SVIL: variants seen among roughly 807,000 people sequenced by gnomAD.
The protein encoded by SVIL is supervillin.
SVIL carries 101 observed loss-of-function variants against 240.4 expected under a neutral mutation model. The ratio of observed to expected loss-of-function variants is 0.42; its 90% CI spans 0.36 to 0.50. The LOEUF (loss-of-function observed/expected upper bound fraction) is 0.50. Ranked by LOEUF, SVIL falls within the 20% of genes least tolerant of loss-of-function variation. The pLI is 0.01. For synonymous variants in SVIL, 999 were observed against 1,100.0 expected (o/e 0.91, Z 1.82); for missense variants, 2,512 against 2,818.7 (o/e 0.89, Z 2.46).
chr10:29,603,596 A>T (rs2488676), intron 1 of SVIL, among the ~76,000 whole-genome samples: 68,657 of 151,908 alleles, frequency 0.45, 16,451 homozygotes, highest in Non-Finnish European at 0.52. Context: ...TTGGTTTTCA[A>T]ATTTAATAGA....
At position 29,550,857 on chromosome 10, in the gene SVIL, C is replaced by T. The variant is rs1445998030; in HGVS notation, c.567G>A (p.Val189=). 1.2e-6 allele frequency: 2 copies of T among 1,614,052 alleles called. No individual in the cohort carries two copies. Among genetic ancestry groups the T allele is most frequent in the Admixed American group, 1.7e-5 (1 of 59,998 alleles). The change falls in exon 6 of 38, where the codon GTG becomes GTA. Residue 189 remains valine, a synonymous_variant. Transcript: ENST00000355867. ...CCTCCGGGTCGGAAGAGCCGTCACC[C>T]ACATGGAGGGCATAGTCCTTGGATT... ...AGESKDYALH[V]GDGSSDPEVL...
At chr10:29,609,486 G>A (rs959827549) in intron 1 of SVIL, among the ~76,000 whole-genome samples, 2 of 152,182 alleles carry the variant, frequency 1.3e-5, no homozygotes, top group African/African-American at 4.8e-5. Context: ...GCTGAAACAT[G>A]TCCCCCCACT....
chr10:29,639,924 T>A (rs1318699258), upstream of SVIL, among the ~76,000 whole-genome samples: 1 of 152,186 alleles, frequency 6.6e-6, no homozygotes, highest in Admixed American at 6.5e-5. Flanking sequence ...GAGGCCAGTC[T>A]AACTTATGCT....
Position 29,532,883 on chromosome 10 carries a change from T to A in SVIL, c.1484A>T (p.Asn495Ile). The A allele has an allele frequency of 3.7e-6, 6 of 1,614,054 alleles. No individual in the cohort carries two copies. The highest frequency in any genetic ancestry group is 5.1e-6 in the Non-Finnish European group (6 of 1,180,010). The change falls in exon 8 of 38, where the codon AAC (asparagine) becomes ATC (isoleucine). Residue 495 changes from asparagine to isoleucine, a missense_variant. Asn to Ile is a moderately radical substitution (Grantham distance 149). Around this residue, in one of 3 missense-constraint regions of SVIL, gnomAD observed 1,443 missense variants for 1,486.6 expected, o/e 0.97. Coordinates refer to ENST00000355867, the MANE Select transcript of SVIL (RefSeq NM_021738.3). ...CGGAGCTTGAGGGGGTTGTGCCACG[T>A]TTTCCAGTTCCTTCTGATGCTCTAA... ...VTLEHQKELE[N>I]VAQPPQAPHQ...
At chr10:29,633,837 GCAGTTCAAA>G (rs890525946) in intron 1 of SVIL, among the ~76,000 whole-genome samples, 2 of 152,062 alleles carry the variant, frequency 1.3e-5, no homozygotes, top group Admixed American at 6.6e-5. Context: ...AAAATAAAAT[GCAGTTCAAA>G]CTCTAGAACC....
At chr10:29,515,196 C>T (rs1250301303) in intron 16 of SVIL, among the ~76,000 whole-genome samples, 2 of 152,174 alleles carry the variant, frequency 1.3e-5, no homozygotes, top group Non-Finnish European at 2.9e-5. Flanking sequence ...CCCTTTGGGT[C>T]AAGGTCTCAT....
At chr10:29,549,996 C>T (rs1457427183) in intron 6 of SVIL, among the ~76,000 whole-genome samples, 29 of 97,158 alleles carry the variant, frequency 3.0e-4, no homozygotes, top group African/African-American at 1.1e-3. Flanking sequence ...ACATTGTGCA[C>T]ATGTACCCTA....
At position 29,671,800 on chromosome 10, in the gene SVIL, A is replaced by G. The variant is rs1015979205; in HGVS notation, c.-300-13732T>C. ...CCACACAATGTCAAATCCTCTGCCA[A>G]CACTGAACTAGTGTGGTTTTCTCTT... is the stretch of plus-strand genomic sequence containing the variant. On this transcript the variant is annotated intron_variant, in intron 2 of 35. Coordinates refer to the SVIL transcript ENST00000375400. Among the ~76,000 whole-genome samples, 3 of 152,208 alleles carry G rather than the reference A, an allele frequency of 2.0e-5. No individual in the cohort carries two copies. In the East Asian group the frequency reaches 5.8e-4, roughly 29 times the overall value.
intron 1 of SVIL, among the ~76,000 whole-genome samples, chr10:29,624,780 A>C (rs1267048308): frequency 2.0e-5 from 3 of 152,190 alleles, no homozygotes; most frequent in African/African-American, 7.2e-5. Flanking sequence ...CCTTTAAAAT[A>C]CCACGGTAAT....
chr10:29,574,257 C>G (rs572652590), intron 1 of SVIL, among the ~76,000 whole-genome samples: 2 of 152,272 alleles, frequency 1.3e-5, no homozygotes, highest in African/African-American at 2.4e-5. Context: ...GGCGTGCGAA[C>G]CTGCTTTAGG....
At chr10:29,709,969 G>C (rs1266902404) in intron 1 of SVIL, among the ~76,000 whole-genome samples, 2 of 152,158 alleles carry the variant, frequency 1.3e-5, no homozygotes, top group Non-Finnish European at 2.9e-5. Context: ...TTCAGATTTG[G>C]GGGTGCGCGA....
At chr10:29,478,756 T>TAA (rs917207229) in intron 29 of SVIL, among the ~76,000 whole-genome samples, 1 of 142,662 alleles carries the variant, frequency 7.0e-6, no homozygotes, top group Non-Finnish European at 1.5e-5. Flanking sequence ...CCTCATCTCT[T>TAA]AAAAAAAAAA....
chr10:29,694,231 C>CAAAAAA (rs61095076), intron 1 of SVIL, among the ~76,000 whole-genome samples: 21 of 99,850 alleles, frequency 2.1e-4, no homozygotes, highest in African/African-American at 7.9e-4. Context: ...CTGTGTCTAC[C>CAAAAAA]AAAAAAAAAA....
At chr10:29,605,368 C>T (rs1401538545) in intron 1 of SVIL, among the ~76,000 whole-genome samples, 9 of 152,216 alleles carry the variant, frequency 5.9e-5, no homozygotes, top group African/African-American at 1.4e-4. Flanking sequence ...CCACGGTTCC[C>T]GTCTCCCCCC....
chr10:29,535,705 C>A (rs528004874), intron 7 of SVIL, among the ~76,000 whole-genome samples: 30 of 152,076 alleles, frequency 2.0e-4, no homozygotes, highest in Non-Finnish European at 4.4e-4. Flanking sequence ...CTGGCCAGTC[C>A]TATGTGAGTT....
chr10:29,457,889 A>T lies in SVIL; in HGVS notation c.*358T>A, dbSNP rs1943740623. 2 of 160,230 alleles carry T rather than the reference A, an allele frequency of 1.2e-5. No individual in the cohort carries two copies. Among genetic ancestry groups the T allele is most frequent in the East Asian group, 1.7e-4 (1 of 5,750 alleles). 9.9% of individuals were successfully genotyped at this position (160,230 alleles called of 1,614,324 possible). On this transcript the variant is annotated 3_prime_UTR_variant, in exon 38 of 38. Coordinates refer to ENST00000355867, the MANE Select transcript of SVIL (RefSeq NM_021738.3). The stretch of plus-strand genomic sequence containing the variant: ...TATATATATATTTTAGAATCCACAA[A>T]CTATCAAAATAACACTTTATAAAGA...
intron 1 of SVIL, among the ~76,000 whole-genome samples, chr10:29,611,665 T>G (rs1957247936): frequency 6.6e-6 from 1 of 152,106 alleles, no homozygotes; most frequent in Admixed American, 6.5e-5. Flanking sequence ...TATTGTCAGA[T>G]GTGGTTAAAA....
intron 3 of SVIL, among the ~76,000 whole-genome samples, chr10:29,645,028 G>A (rs1958611865): frequency 6.6e-6 from 1 of 151,916 alleles, no homozygotes; most frequent in Middle Eastern, 3.2e-3. Context: ...GAAAATAACA[G>A]AATGATGCAG....
chr10:29,564,454 G>C (rs1310475012), intron 2 of SVIL, among the ~76,000 whole-genome samples: 3 of 152,144 alleles, frequency 2.0e-5, no homozygotes, highest in African/African-American at 7.2e-5. Flanking sequence ...AGAGGGAACT[G>C]CAGTTCCTCA....
Sources: allele counts gnomAD v4.1 joint callset (sites outside exome capture counted in the v4.1 genomes callset), GRCh38; gene constraint gnomAD v4.1.1; regional missense constraint gnomAD v4.1.1; transcripts MANE v1.5; gene names NCBI Gene and HGNC (gene_info 2026-07-23, HGNC 2026-07-21).